The following DMD variants were observed in gnomAD, a reference collection of about 807,000 sequenced individuals.
DMD encodes the protein mutant dystrophin.
A neutral mutation model predicts 330.1 loss-of-function variants in DMD; 63 were observed. The observed-to-expected ratio is 0.19, with a 90% CI of 0.16 to 0.24. The LOEUF (loss-of-function observed/expected upper bound fraction) is 0.24, where lower values mean the gene tolerates loss of function less well. Ranked by LOEUF, DMD falls within the 10% of genes least tolerant of loss-of-function variation. The pLI is 1.00. For missense variants in DMD, 3,344 were observed against 2,684.1 expected, an observed-to-expected ratio of 1.25 and a Z score of -5.43; for synonymous variants, 1,223 against 959.8, an observed-to-expected ratio of 1.27 and a Z score of -5.07.
intron 1 of DMD, among the ~76,000 whole-genome samples, chrX:33,250,128 T>C (rs1381514094): frequency 9.9e-6 from 1 of 100,991 alleles, no homozygotes; most frequent in East Asian, 3.0e-4. Flanking sequence ...TACACTTGTA[T>C]GTATGTATGT....
At chrX:31,572,071 G>A (rs764209724) in intron 55 of DMD, among the ~76,000 whole-genome samples, 4 of 109,903 alleles carry the variant, frequency 3.6e-5, no homozygotes, top group East Asian at 2.8e-4. Context: ...AATGTAAAAC[G>A]GACCCCTGTG....
At chrX:32,387,974 T>A (rs763045882) in intron 32 of DMD, among the ~76,000 whole-genome samples, 1 of 111,835 alleles carries the variant, frequency 8.9e-6, no homozygotes. Flanking sequence ...TTCATGAAAG[T>A]AAGACTTTTA....
chrX:31,505,113 T>G (rs752419717), intron 56 of DMD, among the ~76,000 whole-genome samples: 2 of 112,453 alleles, frequency 1.8e-5, no homozygotes, highest in South Asian at 7.4e-4. Context: ...TTCTTTTTCT[T>G]TTGTGCAGAA....
In DMD at chrX:32,614,299, C is replaced by A; in HGVS notation, c.1482+4G>T. ...AGAAAGCACGCAACATAAGATACACCTACCTTATGTTGTTGTACTTGGCGT... is the reference window on the plus strand; with the variant it reads ...AGAAAGCACGCAACATAAGATACACATACCTTATGTTGTTGTACTTGGCGT... On this transcript the variant is annotated splice_donor_region_variant and intron_variant, in intron 12 of 78. Transcript: ENST00000357033. 8.3e-7 allele frequency: 1 copy of A among 1,207,360 alleles called. No homozygotes were observed. Among genetic ancestry groups the A allele is most frequent in the South Asian group, 1.8e-5 (1 of 56,820 alleles).
At chrX:32,737,639 A>G (rs143131587) in intron 7 of DMD, among the ~76,000 whole-genome samples, 8,585 of 111,766 alleles carry the variant, frequency 0.077, 806 homozygotes, top group African/African-American at 0.26. Context: ...GAAAGATAAT[A>G]CTGCACACAC....
chrX:33,117,370 A>G (rs1442598131), intron 1 of DMD, among the ~76,000 whole-genome samples: 1 of 111,269 alleles, frequency 9.0e-6, no homozygotes, highest in Non-Finnish European at 1.9e-5. Context: ...TTCTCATCAT[A>G]AAAAATTATA....
At chrX:32,008,470 TA>T (rs1030055055) in intron 44 of DMD, among the ~76,000 whole-genome samples, 1 of 111,062 alleles carries the variant, frequency 9.0e-6, no homozygotes, top group Non-Finnish European at 1.9e-5. Flanking sequence ...ATCATAGGAT[TA>T]AAAAAAATTA....
chrX:31,774,663 A>T (rs2090550067), intron 50 of DMD, among the ~76,000 whole-genome samples: 1 of 111,624 alleles, frequency 9.0e-6, no homozygotes, highest in African/African-American at 3.3e-5. Flanking sequence ...TAGGAAGTAA[A>T]TTAATTTGAA....
chrX:32,491,300 T>C lies in DMD; in HGVS notation c.2599A>G (p.Lys867Glu), dbSNP rs1382610511. Residue 867 changes from lysine (K) to glutamate (E), a missense_variant, in exon 20 of 79, where the codon AAA becomes GAA. By Grantham distance (56) the Lys-to-Glu change is moderately conservative (BLOSUM62 1). Transcript: ENST00000357033. The stretch of plus-strand genomic sequence containing the variant: ...ACCTTACAAATTTTTAACTGACTTT[T>C]AATTGCTGTTGGCTCTGATGGGGTG... ...PTTPSEPTAIKSQLKICKDEV... is the reference protein window; with the variant it reads ...PTTPSEPTAIESQLKICKDEV... 7 of 1,211,868 alleles carry C rather than the reference T, an allele frequency of 5.8e-6. No homozygotes were observed. Among genetic ancestry groups the C allele is most frequent in the Non-Finnish European group, 7.8e-6 (7 of 895,479 alleles).
intron 50 of DMD, among the ~76,000 whole-genome samples, chrX:31,793,268 T>C (rs1383736808): frequency 9.0e-6 from 1 of 110,653 alleles, no homozygotes; most frequent in African/African-American, 3.3e-5. Context: ...GGATATAAGT[T>C]CCCACTTTGA....
intron 51 of DMD, among the ~76,000 whole-genome samples, chrX:31,755,283 G>A (rs1342119204): frequency 8.9e-6 from 1 of 112,108 alleles, no homozygotes; most frequent in Non-Finnish European, 1.9e-5. Flanking sequence ...AGCTTGCTAG[G>A]TATAAAAATA....
chrX:32,513,985 G>T (rs369221187), intron 18 of DMD, among the ~76,000 whole-genome samples: 17 of 111,634 alleles, frequency 1.5e-4, no homozygotes, highest in African/African-American at 5.5e-4. Flanking sequence ...TTCTACAGAG[G>T]GATTGAGTAA....
intron 2 of DMD, among the ~76,000 whole-genome samples, chrX:32,963,890 T>C (rs1267540377): frequency 2.7e-5 from 3 of 111,371 alleles, no homozygotes; most frequent in African/African-American, 6.5e-5. Flanking sequence ...TCAGTTACAT[T>C]TAAATATATT....
chrX:32,592,055 G>A (rs950853228), intron 13 of DMD, among the ~76,000 whole-genome samples: 4 of 112,080 alleles, frequency 3.6e-5, no homozygotes, highest in Non-Finnish European at 5.6e-5. Flanking sequence ...GGGGACTGAG[G>A]ATGGTTCGGT....
At chrX:31,522,363 C>CTCTCTATATATA in intron 55 of DMD, among the ~76,000 whole-genome samples, 53 of 35,956 alleles carry the variant, frequency 1.5e-3, no homozygotes, top group East Asian at 2.9e-3. Flanking sequence ...CTCTCTCTCT[C>CTCTCTATATATA]TATATATATA....
In DMD at chrX:32,964,255, C is replaced by CAAAAAAAAAAAAAAAAAAAAAAAAAAAA. The variant is rs781702491; in HGVS notation, c.93+55883_93+55884insTTTTTTTTTTTTTTTTTTTTTTTTTTTT. On this transcript the variant is annotated intron_variant, in intron 2 of 78. Coordinates refer to ENST00000357033, the MANE Select transcript of DMD (RefSeq NM_004006.3). ...CTGGTGACAGAGCAAGACTCCATCT[C>CAAAAAAAAAAAAAAAAAAAAAAAAAAAA]AAAAAAAAAAAAAAAAAAAATTCAC... Among the ~76,000 whole-genome samples the CAAAAAAAAAAAAAAAAAAAAAAAAAAAA allele has an allele frequency of 1.1e-4, 4 of 35,188 alleles. 1 individual carries two copies. The highest frequency in any genetic ancestry group is 4.6e-4 in the African/African-American group (4 of 8,791). 30.6% of individuals were successfully genotyped at this position (35,188 alleles called of 115,157 possible).
intron 47 of DMD, among the ~76,000 whole-genome samples, chrX:31,891,778 T>C (rs899647924): frequency 3.6e-5 from 4 of 111,700 alleles, no homozygotes; most frequent in African/African-American, 1.3e-4. Context: ...TGACCTCTGC[T>C]CTAGGTGTTC....
intron 55 of DMD, among the ~76,000 whole-genome samples, chrX:31,606,375 T>C (rs2077611606): frequency 1.8e-5 from 2 of 111,991 alleles, no homozygotes; most frequent in Admixed American, 1.9e-4. Context: ...ATCATATAGG[T>C]GGATAAACTG....
At chrX:31,609,518 C>CGTGTGT (rs74965499) in intron 55 of DMD, among the ~76,000 whole-genome samples, 42 of 109,708 alleles carry the variant, frequency 3.8e-4, no homozygotes, top group Middle Eastern at 4.7e-3. Flanking sequence ...CGTGTGTGTG[C>CGTGTGT]GTGTGTGTGT....
Sources: allele counts gnomAD v4.1 joint callset (sites outside exome capture counted in the v4.1 genomes callset), GRCh38; gene constraint gnomAD v4.1.1; transcripts MANE v1.5; gene names NCBI Gene and HGNC (gene_info 2026-07-23, HGNC 2026-07-21).